The following GRID2 variants were observed in gnomAD, a reference collection of about 807,000 sequenced individuals.
GRID2 encodes glutamate receptor ionotropic, delta-2.
GRID2 carries 33 observed loss-of-function variants against 114.8 expected under a neutral mutation model. That is an observed-to-expected ratio of 0.29 (90% CI 0.22 to 0.38). GRID2 has a LOEUF of 0.38. Ranked by LOEUF, GRID2 falls within the 10% of genes least tolerant of loss-of-function variation. The pLI is 1.00. For missense variants in GRID2, 1,184 were observed against 1,257.7 expected, an observed-to-expected ratio of 0.94 and a Z score of 0.89; for synonymous variants, 505 against 449.9, an observed-to-expected ratio of 1.12 and a Z score of -1.55.
intron 2 of GRID2, among the ~76,000 whole-genome samples, chr4:92,731,019 T>C (rs959735875): frequency 5.9e-5 from 9 of 151,884 alleles, no homozygotes; most frequent in Admixed American, 5.9e-4. Flanking sequence ...AATTTCCAAC[T>C]TTAGGAATTA....
At chr4:93,115,641 A>G (rs1383322784) in intron 4 of GRID2, among the ~76,000 whole-genome samples, 1 of 152,156 alleles carries the variant, frequency 6.6e-6, no homozygotes, top group African/African-American at 2.4e-5. Flanking sequence ...AAAGAAAAAG[A>G]GGTTTAATGG....
In GRID2 at chr4:93,013,940, T is replaced by C. The variant is rs539869442; in HGVS notation, c.245-71055T>C. 1.4e-3 allele frequency among the ~76,000 whole-genome samples: 209 copies of C among 152,048 alleles called. 1 individual carries two copies. The highest frequency in any genetic ancestry group is 5.0e-3 in the African/African-American group (207 of 41,508). The stretch of plus-strand genomic sequence containing the variant: ...AAATAAAAGATGATAAAATATTGAA[T>C]AATATTTACCTGGTTCTCCAGAAGA... On this transcript the variant is annotated intron_variant, in intron 2 of 15. Coordinates refer to ENST00000282020, the MANE Select transcript of GRID2 (RefSeq NM_001510.4).
At chr4:93,449,380 G>T (rs1385642731) in intron 10 of GRID2, among the ~76,000 whole-genome samples, 3 of 151,958 alleles carry the variant, frequency 2.0e-5, no homozygotes, top group Non-Finnish European at 4.4e-5. Flanking sequence ...AAACAGAGGT[G>T]ATATTTAGTT....
At chr4:92,917,108 C>G (rs554115481) in intron 2 of GRID2, among the ~76,000 whole-genome samples, 23 of 151,754 alleles carry the variant, frequency 1.5e-4, no homozygotes, top group South Asian at 2.1e-4. Context: ...TTTCTCTGAC[C>G]AGTGATGATG....
chr4:93,005,098 C>A (rs907469630), intron 2 of GRID2, among the ~76,000 whole-genome samples: 2 of 152,032 alleles, frequency 1.3e-5, no homozygotes, highest in Non-Finnish European at 2.9e-5. Flanking sequence ...CAGATTCACT[C>A]ATTCAACACC....
intron 2 of GRID2, among the ~76,000 whole-genome samples, chr4:92,781,563 C>T (rs976179169): frequency 1.3e-5 from 2 of 151,846 alleles, no homozygotes; most frequent in African/African-American, 2.4e-5. Flanking sequence ...TTGGAAATTC[C>T]GTGTTATGAT....
chr4:93,189,081 G>C (rs994261720), intron 4 of GRID2, among the ~76,000 whole-genome samples: 3 of 152,076 alleles, frequency 2.0e-5, no homozygotes, highest in African/African-American at 7.2e-5. Flanking sequence ...CGTACCTTCA[G>C]ATTCTCCCAG....
chr4:92,952,700 G>T (rs997362838), intron 2 of GRID2, among the ~76,000 whole-genome samples: 6 of 152,186 alleles, frequency 3.9e-5, no homozygotes, highest in African/African-American at 1.2e-4. Context: ...TCAAGTAGTA[G>T]TATCTTTCTC....
intron 13 of GRID2, among the ~76,000 whole-genome samples, chr4:93,515,932 ATAAC>A (rs1729677485): frequency 6.6e-6 from 1 of 152,236 alleles, no homozygotes. Flanking sequence ...TACTTTTTCT[ATAAC>A]TATCTATATT....
At chr4:93,519,059 T>C (rs1730088207) in intron 13 of GRID2, among the ~76,000 whole-genome samples, 2 of 152,130 alleles carry the variant, frequency 1.3e-5, no homozygotes, top group Admixed American at 1.3e-4. Flanking sequence ...TATGCCCCTA[T>C]CCCAGCCTTT....
chr4:92,590,074 G>T (rs1728634859), intron 1 of GRID2, 57 bp from the exon 2 acceptor site: 4 of 1,168,122 alleles, frequency 3.4e-6, no homozygotes, highest in Non-Finnish European at 5.1e-6. Context: ...CATATTTCCA[G>T]AGGGGATGAC....
At chr4:92,724,460 A>G (rs1735965606) in intron 2 of GRID2, among the ~76,000 whole-genome samples, 1 of 152,166 alleles carries the variant, frequency 6.6e-6, no homozygotes, top group South Asian at 2.1e-4. Flanking sequence ...ATTTTTAAAA[A>G]AAGTTGCACT....
chr4:93,592,844 C>T (rs1266669491), intron 13 of GRID2, among the ~76,000 whole-genome samples: 12 of 152,164 alleles, frequency 7.9e-5, no homozygotes, highest in East Asian at 1.9e-4. Context: ...TCTTTGTTGG[C>T]TTAAAGTCTG....
intron 14 of GRID2, among the ~76,000 whole-genome samples, chr4:93,689,308 C>G (rs1726341956): frequency 1.3e-5 from 2 of 152,018 alleles, no homozygotes; most frequent in Admixed American, 6.6e-5. Context: ...ATTGTAGAAA[C>G]AAAGCATTTC....
chr4:92,850,082 T>G (rs527494522), intron 2 of GRID2, among the ~76,000 whole-genome samples: 2 of 151,430 alleles, frequency 1.3e-5, no homozygotes, highest in South Asian at 4.2e-4. Context: ...TTATATTTCA[T>G]ACAAATATTC....
intron 11 of GRID2, among the ~76,000 whole-genome samples, chr4:93,466,352 G>A (rs910618476): frequency 2.0e-5 from 3 of 152,160 alleles, no homozygotes; most frequent in Admixed American, 1.3e-4. Flanking sequence ...TTTGCTCAGG[G>A]AAGAATTCAA....
chr4:93,395,622 C>T lies in GRID2; in HGVS notation c.1261C>T (p.Pro421Ser). 1 of 1,554,862 alleles carries T rather than the reference C, an allele frequency of 6.4e-7. No homozygotes were observed. Among genetic ancestry groups the T allele is most frequent in the South Asian group, 1.1e-5 (1 of 89,674 alleles). ...RGVRKLGCWN[P>S]VTGLNGSLTD... ...TATCTTTCAGCTTGGTTGCTGGAATCCTGTCACAGGTCTGAATGGGTCACT... is the reference window on the plus strand; with the variant it reads ...TATCTTTCAGCTTGGTTGCTGGAATTCTGTCACAGGTCTGAATGGGTCACT... The change falls in exon 9 of 16, where the codon CCT (proline) becomes TCT (serine). Residue 421 changes from proline (P) to serine (S), a missense_variant. Physicochemically the swap from Pro to Ser is moderately conservative, Grantham distance 74. Around this residue, in one of 3 missense-constraint regions of GRID2, gnomAD observed 717 missense variants for 796.9 expected, o/e 0.90. Transcript: ENST00000282020.
chr4:92,946,641 G>T (rs945145838), intron 2 of GRID2, among the ~76,000 whole-genome samples: 7 of 152,032 alleles, frequency 4.6e-5, no homozygotes, highest in African/African-American at 1.7e-4. Context: ...ATCCAGCAAT[G>T]AATGCTTCTT....
intron 2 of GRID2, among the ~76,000 whole-genome samples, chr4:92,827,067 G>A (rs1230267598): frequency 1.3e-5 from 2 of 152,096 alleles, no homozygotes; most frequent in African/African-American, 4.8e-5. Context: ...TTACATTCCT[G>A]TATAAAGCTG....
Sources: gnomAD v4.1 joint callset for allele counts (sites outside exome capture counted in the v4.1 genomes callset) on GRCh38, gnomAD v4.1.1 for gene constraint, gnomAD v4.1.1 regional missense constraint, MANE v1.5 for transcripts, NCBI Gene and HGNC (gene_info 2026-07-23, HGNC 2026-07-21) for gene names.